NCAPD3: variants seen among roughly 807,000 people sequenced by gnomAD.
The protein encoded by NCAPD3 is non-SMC condensin II complex subunit D3.
In NCAPD3, 105 loss-of-function variants were observed where a neutral mutation model predicts 182.9. That is an observed-to-expected ratio of 0.57 (90% confidence interval 0.49 to 0.68). The LOEUF (loss-of-function observed/expected upper bound fraction) is 0.68. Ranked by LOEUF, NCAPD3 falls within the 30% of genes least tolerant of loss-of-function variation. NCAPD3 has a pLI of 0.00. For synonymous variants in NCAPD3, 815 were observed against 679.9 expected (o/e 1.20, Z -3.09); for missense variants, 1,944 against 1,837.0 (o/e 1.06, Z -1.07).
chr11:134,163,691 A>C (rs1158433668), intron 27 of NCAPD3, among the ~76,000 whole-genome samples: 1 of 130,376 alleles, frequency 7.7e-6, no homozygotes, highest in Non-Finnish European at 1.6e-5. Context: ...ACAGTGTGAT[A>C]CTGTGTCTCA....
intron 22 of NCAPD3, 93 bp downstream of exon 22, chr11:134,178,541 G>A (rs961041078): frequency 1.0e-4 from 101 of 982,858 alleles, no homozygotes; most frequent in Middle Eastern, 3.4e-4. Context: ...GACAGGCTCC[G>A]CAGCCCCTGA....
intron 1 of NCAPD3, among the ~76,000 whole-genome samples, chr11:134,221,717 T>G (rs1387936272): frequency 1.3e-5 from 2 of 152,060 alleles, no homozygotes; most frequent in African/African-American, 4.8e-5. Context: ...AAGGTATAAA[T>G]AAGGAAAAAA....
rs1235786451 is a variant in NCAPD3 at position 134,152,157 on chromosome 11, A to T, written c.*787T>A. Among the ~76,000 whole-genome samples the T allele has an allele frequency of 6.6e-6, 1 of 152,238 alleles. No individual in the cohort carries two copies. The highest frequency in any genetic ancestry group is 1.5e-5 in the Non-Finnish European group (1 of 68,036). On this transcript the variant is annotated 3_prime_UTR_variant, in exon 35 of 35. Coordinates refer to ENST00000534548, the MANE Select transcript of NCAPD3 (RefSeq NM_015261.3). ...AAGAGACTCAAGCTGTTCCCCCATC[A>T]TGGGAGCAGCCCTTAACAGAGGGCT...
chr11:134,185,109 T>C, intron 17 of NCAPD3, 109 bp from the exon 18 acceptor site: 1 of 998,222 alleles, frequency 1.0e-6, no homozygotes. Context: ...GTAGGTAGCA[T>C]GGCTTAGGAG....
At chr11:134,213,306 A>G (rs1381230170) in intron 3 of NCAPD3, among the ~76,000 whole-genome samples, 2 of 151,854 alleles carry the variant, frequency 1.3e-5, no homozygotes, top group African/African-American at 4.8e-5. Flanking sequence ...CCTGGGTGAC[A>G]GACTGAGACC....
chr11:134,193,528 G>A (rs1487719099), intron 15 of NCAPD3, among the ~76,000 whole-genome samples: 2 of 152,198 alleles, frequency 1.3e-5, no homozygotes, highest in Admixed American at 6.5e-5. Flanking sequence ...CAAGGCAGGC[G>A]GGTCACCTGA....
intron 16 of NCAPD3, among the ~76,000 whole-genome samples, chr11:134,187,526 T>G (rs890520096): frequency 6.6e-6 from 1 of 152,212 alleles, no homozygotes; most frequent in Admixed American, 6.5e-5. Flanking sequence ...TTCCTGAGAT[T>G]TCATAGAGCC....
rs751859311 is a variant in NCAPD3, at chr11:134,192,899, C to G, written c.1835G>C (p.Arg612Thr). ...SLTELLMAQP[R>T]CVQIQKAWLR... The stretch of plus-strand genomic sequence containing the variant: ...CCAGGCTTTCTGGATCTGCACGCAT[C>G]TAGGCTGAGCCTTAGGAGTGAAAGA... The change falls in exon 16 of 35, where the codon AGA becomes ACA. Residue 612 changes from arginine to threonine, a missense_variant. This residue lies in a region of NCAPD3 where 1,803 missense variants were observed against 1,674.6 expected (regional missense o/e 1.08). Transcript: ENST00000534548. 1 of 1,603,616 alleles carries G rather than the reference C, an allele frequency of 6.2e-7. No homozygotes were observed. Among genetic ancestry groups the G allele is most frequent in the Non-Finnish European group, 8.5e-7 (1 of 1,170,560 alleles).
At chr11:134,190,862 T>A (rs1055710649) in intron 16 of NCAPD3, among the ~76,000 whole-genome samples, 1 of 152,238 alleles carries the variant, frequency 6.6e-6, no homozygotes, top group African/African-American at 2.4e-5. Flanking sequence ...TTACCCTGTA[T>A]GTTGAATAAT....
At chr11:134,201,723 A>T (rs1944753176) in intron 13 of NCAPD3, among the ~76,000 whole-genome samples, 1 of 152,240 alleles carries the variant, frequency 6.6e-6, no homozygotes, top group Non-Finnish European at 1.5e-5. Flanking sequence ...TGCTTGAAAA[A>T]GTCTGTGCCA....
chr11:134,222,800 G>A (rs1938282973), intron 1 of NCAPD3, among the ~76,000 whole-genome samples: 2 of 152,156 alleles, frequency 1.3e-5, no homozygotes, highest in South Asian at 4.1e-4. Flanking sequence ...GCACACAAAG[G>A]GAAAGAAATT....
chr11:134,163,748 T>G (rs1372585170), intron 27 of NCAPD3, among the ~76,000 whole-genome samples: 3 of 143,070 alleles, frequency 2.1e-5, no homozygotes, highest in African/African-American at 7.8e-5. Context: ...GGCAGGGGCC[T>G]GTAGTCCCAG....
intron 16 of NCAPD3, 37 bp from the exon 17 acceptor site, chr11:134,185,563 T>A: frequency 6.6e-7 from 1 of 1,511,098 alleles, no homozygotes; most frequent in Non-Finnish European, 9.0e-7. Context: ...GAATTGCAAC[T>A]GTAAATATAC....
At chr11:134,191,596 T>C (rs1194469905) in intron 16 of NCAPD3, among the ~76,000 whole-genome samples, 1 of 152,234 alleles carries the variant, frequency 6.6e-6, no homozygotes, top group Non-Finnish European at 1.5e-5. Context: ...AAAGAATGAC[T>C]ACTACCTTTC....
rs1278447081 is a variant in NCAPD3, at chr11:134,158,473, ACT to A, written c.3888_3889del (p.Val1297AlafsTer36). 6.2e-7 allele frequency: 1 copy of A among 1,613,890 alleles called. No individual in the cohort carries two copies. The highest frequency in any genetic ancestry group is 1.3e-5 in the African/African-American group (1 of 74,940). ...GTTTTCTTGGCCAGCAGGAACTGGC[ACT>A]GTTTCTAAACACAGGGCAACCTGGT... On this transcript the variant is annotated frameshift_variant, in exon 30 of 35. Coordinates refer to ENST00000534548, the MANE Select transcript of NCAPD3 (RefSeq NM_015261.3). LOFTEE classifies it high-confidence loss of function.
intron 29 of NCAPD3, among the ~76,000 whole-genome samples, chr11:134,159,235 T>C (rs1943512271): frequency 2.0e-5 from 3 of 152,254 alleles, no homozygotes; most frequent in Admixed American, 1.3e-4. Context: ...GGAACCTCTA[T>C]ACTGTTCTCC....
rs1396395934 is a variant in NCAPD3, at chr11:134,192,729, C to T, written c.2005G>A (p.Ala669Thr). Residue 669 changes from alanine (A) to threonine (T), a missense_variant, in exon 16 of 35, where the codon GCG (alanine) becomes ACG (threonine). This residue lies in a region of NCAPD3 where 1,803 missense variants were observed against 1,674.6 expected (regional missense o/e 1.08). Coordinates refer to ENST00000534548, the MANE Select transcript of NCAPD3 (RefSeq NM_015261.3). The part of the protein sequence containing the change: ...SGDDSQVLAW[A>T]LLTLLTTESQ... ...TCGGTGGTGAGGAGAGTAAGAAGCG[C>T]CCAGGCGAGGACCTGGCTGTCGTCC... The T allele has an allele frequency of 1.9e-6, 3 of 1,614,166 alleles. No homozygotes were observed. The highest frequency in any genetic ancestry group is 1.7e-6 in the Non-Finnish European group (2 of 1,180,014).
chr11:134,219,215 C>T (rs1024861237), intron 2 of NCAPD3, among the ~76,000 whole-genome samples: 3 of 152,200 alleles, frequency 2.0e-5, no homozygotes, highest in Non-Finnish European at 4.4e-5. Flanking sequence ...TGTGAAGATT[C>T]GCTGCTGGCC....
intron 19 of NCAPD3, 58 bp from the exon 20 acceptor site, chr11:134,181,242 G>A (rs911044650): frequency 1.1e-5 from 12 of 1,094,634 alleles, no homozygotes; most frequent in African/African-American, 3.1e-5. Context: ...GACTACCCAT[G>A]AAACACCATG....
Sources: allele counts gnomAD v4.1 joint callset (sites outside exome capture counted in the v4.1 genomes callset), GRCh38; gene constraint gnomAD v4.1.1; regional missense constraint gnomAD v4.1.1; transcripts MANE v1.5; gene names NCBI Gene and HGNC (gene_info 2026-07-23, HGNC 2026-07-21).